RTN3: variants seen among roughly 807,000 people sequenced by gnomAD.
The protein encoded by RTN3 is reticulon-3.
A neutral mutation model predicts 77.8 loss-of-function variants in RTN3; 49 were observed. The ratio of observed to expected loss-of-function variants is 0.63; its 90% CI spans 0.50 to 0.80. RTN3 has a LOEUF of 0.80. Ranked by LOEUF, RTN3 falls within the 30% of genes least tolerant of loss-of-function variation. RTN3 has a pLI of 0.00. For missense variants in RTN3, 1,236 were observed against 1,211.9 expected (o/e 1.02, Z -0.29); for synonymous variants, 464 against 446.9 (o/e 1.04, Z -0.48).
intron 3 of RTN3, among the ~76,000 whole-genome samples, chr11:63,749,394 T>G (rs778101015): frequency 2.4e-4 from 36 of 152,196 alleles, no homozygotes; most frequent in Non-Finnish European, 5.9e-5. Context: ...TAACTAGCAC[T>G]AATAGTGCTT....
chr11:63,681,478 G>A (rs925116678), upstream of RTN3: 1 of 727,242 alleles, frequency 1.4e-6, no homozygotes, highest in Non-Finnish European at 2.0e-6. Flanking sequence ...CCGCCCTCTA[G>A]CTGCGCTCGG....
At chr11:63,707,560 G>A (rs930074914) in intron 2 of RTN3, among the ~76,000 whole-genome samples, 2 of 152,118 alleles carry the variant, frequency 1.3e-5, no homozygotes, top group Admixed American at 6.6e-5. Flanking sequence ...CCGACTGTGC[G>A]CGGTGGCTCA....
rs149752903 is a variant in RTN3 at position 63,684,910 on chromosome 11, C to T, written c.142+3132C>T. Among the ~76,000 whole-genome samples, 276 of 151,644 alleles carry T rather than the reference C, an allele frequency of 1.8e-3. 2 individuals carry two copies. Among genetic ancestry groups the T allele is most frequent in the African/African-American group, 6.1e-3 (254 of 41,400 alleles). On this transcript the variant is annotated intron_variant, in intron 1 of 8. Coordinates refer to ENST00000377819, the MANE Select transcript of RTN3 (RefSeq NM_001265589.2). ...GAGTAGGTGGGATTACAGACATGCACCACCACGCCCAGATAATTTTTGTAC... is the reference window on the plus strand; with the variant it reads ...GAGTAGGTGGGATTACAGACATGCATCACCACGCCCAGATAATTTTTGTAC...
At chr11:63,712,872 A>G (rs1470257014) in intron 2 of RTN3, among the ~76,000 whole-genome samples, 1 of 152,126 alleles carries the variant, frequency 6.6e-6, no homozygotes, top group Non-Finnish European at 1.5e-5. Context: ...GAGGCAGGCG[A>G]ATCACCTGAG....
chr11:63,737,603 C>CT (rs989321872), intron 3 of RTN3, among the ~76,000 whole-genome samples: 13 of 152,216 alleles, frequency 8.5e-5, no homozygotes, highest in Admixed American at 3.9e-4. Context: ...GAATGAGACT[C>CT]TGTCTCAACA....
rs1279631204 is a variant in RTN3, at chr11:63,719,423, G to A, written c.921G>A (p.Met307Ile). The A allele has an allele frequency of 6.2e-7, 1 of 1,614,136 alleles. No homozygotes were observed. Residue 307 changes from methionine to isoleucine, a missense_variant, in exon 3 of 9, where the codon ATG becomes ATA. Met to Ile is a conservative substitution (Grantham distance 10, BLOSUM62 1). Around this residue, in one of 3 missense-constraint regions of RTN3, gnomAD observed 1,056 missense variants for 990.4 expected, o/e 1.07. Transcript: ENST00000377819. The part of the protein sequence containing the change: ...LRNKEAGRYP[M>I]SALLSRQFSH... ...ATAAAGAGGCAGGACGTTACCCAAT[G>A]TCTGCATTGCTCAGTAGGCAGTTTT...
At chr11:63,697,909 T>C (rs1293659468) in intron 1 of RTN3, among the ~76,000 whole-genome samples, 1 of 152,218 alleles carries the variant, frequency 6.6e-6, no homozygotes, top group Admixed American at 6.5e-5. Flanking sequence ...AATATACTTG[T>C]CATTTTCATT....
chr11:63,737,669 T>C (rs1421753010), intron 3 of RTN3, among the ~76,000 whole-genome samples: 1 of 152,220 alleles, frequency 6.6e-6, no homozygotes, highest in African/African-American at 2.4e-5. Flanking sequence ...TTCACATTTT[T>C]AGATCCATAC....
rs758561798 is a variant in RTN3 at position 63,720,246 on chromosome 11, T to A, written c.1744T>A (p.Cys582Ser). Residue 582 changes from cysteine (C) to serine (S), a missense_variant, in exon 3 of 9, where the codon TGT (cysteine) becomes AGT (serine). By Grantham distance (112) the Cys-to-Ser change is moderately radical. Coordinates refer to ENST00000377819, the MANE Select transcript of RTN3 (RefSeq NM_001265589.2). ...AAGGAGTCCAGCTAGTGAGGCAGCA[T>A]GTTCAAAAGTACCCGATACGAATGT... ...LGRSPASEAA[C>S]SKVPDTNVSL... 5 of 1,614,006 alleles carry A rather than the reference T, an allele frequency of 3.1e-6. No individual in the cohort carries two copies. Among genetic ancestry groups the A allele is most frequent in the Admixed American group, 1.7e-5 (1 of 59,982 alleles).
chr11:63,735,582 CTCTCTCTCTCTCTCTCTCTT>C (rs2013052921), intron 3 of RTN3, among the ~76,000 whole-genome samples: 1 of 149,264 alleles, frequency 6.7e-6, no homozygotes, highest in African/African-American at 2.5e-5. Flanking sequence ...CTCTCTCTCT[CTCTCTCTCTCTCTCTCTCTT>C]TCTTTCAACC....
chr11:63,731,894 G>A (rs548700300), intron 3 of RTN3, among the ~76,000 whole-genome samples: 46 of 152,146 alleles, frequency 3.0e-4, no homozygotes, highest in Middle Eastern at 6.8e-3. Context: ...CTTGTGATCC[G>A]TCCACGTTGG....
At chr11:63,733,731 A>G (rs1480205611) in intron 3 of RTN3, among the ~76,000 whole-genome samples, 1 of 150,830 alleles carries the variant, frequency 6.6e-6, no homozygotes, top group Non-Finnish European at 1.5e-5. Context: ...GGAAAAGAAA[A>G]ATTAGCTGGG....
chr11:63,723,827 G>A (rs2012006800), intron 3 of RTN3, among the ~76,000 whole-genome samples: 2 of 152,102 alleles, frequency 1.3e-5, no homozygotes, highest in East Asian at 1.9e-4. Context: ...GGGAAAATAG[G>A]CAAAAGAAAC....
intron 7 of RTN3, among the ~76,000 whole-genome samples, chr11:63,754,254 G>A (rs1210220246): frequency 6.6e-6 from 1 of 151,732 alleles, no homozygotes; most frequent in African/African-American, 2.4e-5. Context: ...TGATGGGAGT[G>A]AAACCCTCTC....
chr11:63,686,355 C>T (rs1941370200), intron 1 of RTN3, among the ~76,000 whole-genome samples: 1 of 151,798 alleles, frequency 6.6e-6, no homozygotes, highest in Admixed American at 6.6e-5. Context: ...CCTGTAGTCC[C>T]AGCTACTCGG....
At chr11:63,729,667 C>T (rs184579912) in intron 3 of RTN3, among the ~76,000 whole-genome samples, 93 of 151,700 alleles carry the variant, frequency 6.1e-4, no homozygotes, top group Middle Eastern at 3.4e-3. Context: ...ATTATGTTGC[C>T]AACACTGGCA....
chr11:63,738,177 A>C (rs2134999387), intron 3 of RTN3, among the ~76,000 whole-genome samples: 1 of 152,312 alleles, frequency 6.6e-6, no homozygotes. Context: ...TAAAAAGCTT[A>C]ACTGTTTCCC....
At chr11:63,722,622 C>G (rs908538688) in intron 3 of RTN3, among the ~76,000 whole-genome samples, 1 of 152,052 alleles carries the variant, frequency 6.6e-6, no homozygotes, top group African/African-American at 2.4e-5. Flanking sequence ...TTTTGATAAA[C>G]CAAAAATTTT....
chr11:63,725,392 AT>A (rs935619376), intron 3 of RTN3, among the ~76,000 whole-genome samples: 1 of 149,176 alleles, frequency 6.7e-6, no homozygotes, highest in South Asian at 2.1e-4. Context: ...ATTCTTTCCT[AT>A]TTTTTGCTAT....
Sources: gnomAD v4.1 joint callset for allele counts (sites outside exome capture counted in the v4.1 genomes callset) on GRCh38, gnomAD v4.1.1 for gene constraint, gnomAD v4.1.1 regional missense constraint, MANE v1.5 for transcripts, NCBI Gene and HGNC (gene_info 2026-07-23, HGNC 2026-07-21) for gene names.